ZNF155: variants seen among roughly 807,000 people sequenced by gnomAD.
ZNF155 encodes the protein zinc finger protein 155, also known as KRAB A domain.
ZNF155 carries 15 observed loss-of-function variants against 11.9 expected under a neutral mutation model. That is an observed-to-expected ratio of 1.26 (90% CI 0.84 to 1.94). ZNF155 has a LOEUF of 1.94. Ranked by LOEUF, ZNF155 falls within the 30% of genes most tolerant of loss-of-function variation. The pLI is 0.00. For missense variants in ZNF155, 602 were observed against 639.1 expected, an observed-to-expected ratio of 0.94 and a Z score of 0.63; for synonymous variants, 212 against 219.9, an observed-to-expected ratio of 0.96 and a Z score of 0.32.
chr19:43,991,495 C>T, intron 2 of ZNF155, 53 bp from the exon 3 acceptor site: 1 of 1,613,038 alleles, frequency 6.2e-7, no homozygotes, highest in South Asian at 1.1e-5. Flanking sequence ...TGCCGCTTCT[C>T]CCCCAGTAGT....
rs1412243032 is a variant in ZNF155, at chr19:43,997,128, G to A, written c.1271G>A (p.Gly424Asp). Residue 424 changes from glycine to aspartate, a missense_variant, in exon 5 of 5, where the codon GGT becomes GAT. Physicochemically the swap from Gly to Asp is moderately conservative, Grantham distance 94. Coordinates refer to ENST00000270014, the MANE Select transcript of ZNF155 (RefSeq NM_198089.3). The part of the protein sequence containing the change: ...QLSSHQRSHS[G>D]EKPYKCEECG... ...TCTTCCCATCAGAGATCCCACAGTG[G>A]TGAAAAGCCATATAAATGTGAGGAG... The A allele has an allele frequency of 1.2e-6, 2 of 1,614,194 alleles. No individual in the cohort carries two copies. Among genetic ancestry groups the A allele is most frequent in the East Asian group, 4.5e-5 (2 of 44,886 alleles).
chr19:43,995,545 G>A (rs1975819540), intron 4 of ZNF155, among the ~76,000 whole-genome samples: 1 of 151,638 alleles, frequency 6.6e-6, no homozygotes, highest in Non-Finnish European at 1.5e-5. Flanking sequence ...GACCACACCT[G>A]GCTAATTTAT....
At chr19:43,984,597 C>T (rs977372443) in intron 1 of ZNF155, among the ~76,000 whole-genome samples, 3 of 152,172 alleles carry the variant, frequency 2.0e-5, no homozygotes, top group Non-Finnish European at 4.4e-5. Flanking sequence ...ACTTAATCTC[C>T]CTGTACCTCC....
Position 43,991,831 on chromosome 19 carries a change from C to A in ZNF155, c.143-11C>A. ...TGTTGGGATTCAGCACGTGACCTTA[C>A]CTATTCACAGGGCATCAACCGTTCC... On this transcript the variant is annotated splice_polypyrimidine_tract_variant and intron_variant, in intron 3 of 4. Coordinates refer to ENST00000270014, the MANE Select transcript of ZNF155 (RefSeq NM_198089.3). The A allele has an allele frequency of 6.2e-7, 1 of 1,612,364 alleles. No homozygotes were observed. Among genetic ancestry groups the A allele is most frequent in the Non-Finnish European group, 8.5e-7 (1 of 1,178,988 alleles).
At position 43,986,445 on chromosome 19, in the gene ZNF155, TTG is replaced by T. The variant is rs750508019; in HGVS notation, c.-85-2010_-85-2009del. ...CATGCTCATCCAATATTATTCCCAT[TTG>T]TGTTTTTTTTTTTTTTTTTTTAGAC... On this transcript the variant is annotated intron_variant, in intron 1 of 4. Coordinates refer to ENST00000270014, the MANE Select transcript of ZNF155 (RefSeq NM_198089.3). Among the ~76,000 whole-genome samples, 346 of 98,240 alleles carry T rather than the reference TTG, an allele frequency of 3.5e-3. 12 individuals carry two copies. The highest frequency in any genetic ancestry group is 0.016 in the African/African-American group (316 of 19,918). The allele number at this position is 98,240 out of a possible 152,430, so 64.4% of individuals were successfully genotyped here.
Position 43,997,246 on chromosome 19 carries a change from G to T in ZNF155, c.1389G>T (p.Lys463Asn). The T allele has an allele frequency of 6.2e-7, 1 of 1,614,150 alleles. No individual in the cohort carries two copies. The highest frequency in any genetic ancestry group is 8.5e-7 in the Non-Finnish European group (1 of 1,180,028). The change falls in exon 5 of 5, where the codon AAG (lysine) becomes AAT (asparagine). Residue 463 changes from lysine (K) to asparagine (N), a missense_variant. Transcript: ENST00000270014. ...CTTATAATTGTAAGGAATGTGGGAA[G>T]AACTTTAGCCGGGCCTCAAGTATTT... ...ERPYNCKECG[K>N]NFSRASSILN...
chr19:43,987,401 A>G (rs1185856212), intron 1 of ZNF155, among the ~76,000 whole-genome samples: 1 of 152,048 alleles, frequency 6.6e-6, no homozygotes, highest in Non-Finnish European at 1.5e-5. Context: ...GAGTGTAGGC[A>G]AGTTATTTTG....
At chr19:43,995,200 C>T (rs1465160287) in intron 4 of ZNF155, among the ~76,000 whole-genome samples, 1 of 152,028 alleles carries the variant, frequency 6.6e-6, no homozygotes, top group African/African-American at 2.4e-5. Flanking sequence ...CAACCTCTGC[C>T]TTCCAGGTTT....
rs369721752 is a variant in ZNF155, at chr19:43,996,779, A to C, written c.922A>C (p.Met308Leu). The C allele has an allele frequency of 1.2e-6, 2 of 1,614,184 alleles. No homozygotes were observed. The highest frequency in any genetic ancestry group is 1.7e-5 in the Admixed American group (1 of 60,018). Reference sequence around the variant, plus strand: ...TAGGTCAAGACTTAAGAGCCATTCCATGGTTCACACAGGAGAAAAACCATT... The same window carrying C: ...TAGGTCAAGACTTAAGAGCCATTCCCTGGTTCACACAGGAGAAAAACCATT... ...YFRSRLKSHS[M>L]VHTGEKPFRC... Residue 308 changes from methionine (M) to leucine (L), a missense_variant, in exon 5 of 5, where the codon ATG becomes CTG. Transcript: ENST00000270014.
At chr19:43,988,808 T>C (rs995014980) in intron 2 of ZNF155, 2 of 375,948 alleles carry the variant, frequency 5.3e-6, no homozygotes, top group African/African-American at 4.2e-5. Flanking sequence ...CCCACTTCCT[T>C]ACCTCCCCTC....
At chr19:43,988,764 T>G in intron 2 of ZNF155, 1 of 449,784 alleles carries the variant, frequency 2.2e-6, no homozygotes, top group Non-Finnish European at 3.9e-6. Context: ...ATTTATTTTA[T>G]GGAGTATGAA....
chr19:43,988,379 G>A (rs1975535359), intron 1 of ZNF155, 80 bp from the exon 2 acceptor site: 1 of 521,020 alleles, frequency 1.9e-6, no homozygotes, highest in Non-Finnish European at 3.2e-6. Flanking sequence ...TTGGTTGTGT[G>A]CAGTTTGGGT....
In ZNF155 at chr19:43,997,698, C is replaced by T; in HGVS notation, c.*224C>T. The T allele has an allele frequency of 4.2e-6, 2 of 474,574 alleles. No homozygotes were observed. The highest frequency in any genetic ancestry group is 3.9e-5 in the Admixed American group (1 of 25,792). The allele number at this position is 474,574 out of a possible 1,614,324, so 29.4% of individuals were successfully genotyped here. A position where few individuals can be genotyped will look rare whatever the true frequency, so the allele number is the denominator to read the frequency against. ...TCTCATCCCCACATAACACAAAAAG[C>T]AGCCTGGGGAAGACAATCAAGCTAC... is the stretch of plus-strand genomic sequence containing the variant. On this transcript the variant is annotated 3_prime_UTR_variant, in exon 5 of 5. Transcript: ENST00000270014.
chr19:43,995,222 C>T (rs1009166697), intron 4 of ZNF155, among the ~76,000 whole-genome samples: 1 of 151,982 alleles, frequency 6.6e-6, no homozygotes. Context: ...AGCAATTCTC[C>T]TGCCTCAGCC....
intron 1 of ZNF155, among the ~76,000 whole-genome samples, chr19:43,986,764 C>T (rs909135289): frequency 4.6e-5 from 7 of 152,110 alleles, no homozygotes; most frequent in African/African-American, 1.7e-4. Context: ...TGTTATCATC[C>T]TTATGACTAT....
intron 1 of ZNF155, among the ~76,000 whole-genome samples, chr19:43,986,568 G>A (rs1279994337): frequency 6.6e-6 from 1 of 150,684 alleles, no homozygotes; most frequent in Admixed American, 6.6e-5. Context: ...TCCTGCCCCA[G>A]CCTCCTGAGT....
At chr19:43,991,963 T>TACCTGAATCTCCC in intron 4 of ZNF155, 29 bp downstream of exon 4, 1 of 1,591,158 alleles carries the variant, frequency 6.3e-7, no homozygotes, top group Non-Finnish European at 8.6e-7. Context: ...TGTGTCCTTG[T>TACCTGAATCTCCC]ACCTGACTCT....
chr19:43,996,331 T>C lies in ZNF155; in HGVS notation c.474T>C (p.Ser158=). The part of the protein sequence containing the change: ...SQGGKCKQSI[S]DVPIFDLPQQ... ...GTGGGAAGTGTAAACAGTCCATCAG[T>C]GATGTTCCCATCTTTGATCTTCCTC... The change falls in exon 5 of 5, where the codon AGT becomes AGC. Residue 158 remains serine, a synonymous_variant. Coordinates refer to ENST00000270014, the MANE Select transcript of ZNF155 (RefSeq NM_198089.3). The C allele has an allele frequency of 6.2e-7, 1 of 1,614,218 alleles. No homozygotes were observed. Among genetic ancestry groups the C allele is most frequent in the South Asian group, 1.1e-5 (1 of 91,088 alleles).
intron 4 of ZNF155, among the ~76,000 whole-genome samples, chr19:43,992,462 G>A (rs1339562577): frequency 1.3e-5 from 2 of 152,194 alleles, no homozygotes; most frequent in East Asian, 3.8e-4. Context: ...CGTCCCTAGG[G>A]CTTTGTTTCT....
Sources: gnomAD v4.1 joint callset for allele counts (sites outside exome capture counted in the v4.1 genomes callset) on GRCh38, gnomAD v4.1.1 for gene constraint, MANE v1.5 for transcripts, NCBI Gene and HGNC (gene_info 2026-07-23, HGNC 2026-07-21) for gene names.